Variants in ADAMTS12 observed in about 807,000 individuals in gnomAD.
ADAMTS12 encodes the protein A disintegrin and metalloproteinase with thrombospondin motifs 12.
A neutral mutation model predicts 167.8 loss-of-function variants in ADAMTS12; 118 were observed. The observed-to-expected ratio is 0.70, with a 90% confidence interval of 0.61 to 0.82. ADAMTS12 has a LOEUF of 0.82. ADAMTS12 is among the 40% of genes least tolerant of loss of function. The pLI is 0.00. For synonymous variants in ADAMTS12, 704 were observed against 716.9 expected (o/e 0.98, Z 0.29); for missense variants, 1,916 against 1,998.8 (o/e 0.96, Z 0.79).
rs529659550 is a variant in ADAMTS12, at chr5:33,560,809, T to C, written c.4125+218A>G. Among the ~76,000 whole-genome samples the C allele has an allele frequency of 3.4e-5, 5 of 146,234 alleles. No homozygotes were observed. In the East Asian group the frequency reaches 8.6e-4, roughly 25 times the overall value. ...GGGGGAGGGATAGCATTAGGAGATATACCTAATGTAAATGACGAGTTAATG... is the reference window on the plus strand; with the variant it reads ...GGGGGAGGGATAGCATTAGGAGATACACCTAATGTAAATGACGAGTTAATG... On this transcript the variant is annotated intron_variant, in intron 20 of 23. Coordinates refer to ENST00000504830, the MANE Select transcript of ADAMTS12 (RefSeq NM_030955.4).
At chr5:33,710,519 C>T (rs1743358819) in intron 3 of ADAMTS12, among the ~76,000 whole-genome samples, 1 of 152,172 alleles carries the variant, frequency 6.6e-6, no homozygotes, top group Non-Finnish European at 1.5e-5. Context: ...TATGCATCTG[C>T]TATGACCTAG....
In ADAMTS12 at chr5:33,670,366, G is replaced by T. The variant is rs1741632013; in HGVS notation, c.916-8326C>A. Among the ~76,000 whole-genome samples the T allele has an allele frequency of 3.9e-5, 6 of 152,312 alleles. No homozygotes were observed. In the South Asian group the frequency reaches 1.2e-3, roughly 32 times the overall value. On this transcript the variant is annotated intron_variant, in intron 5 of 23. Coordinates refer to ENST00000504830, the MANE Select transcript of ADAMTS12 (RefSeq NM_030955.4). Reference sequence around the variant, plus strand: ...ACACCCAAATGCTGGTGAGGATGAGGTAAAACTGAATCATTCACTGCTGGT... The same window carrying T: ...ACACCCAAATGCTGGTGAGGATGAGTTAAAACTGAATCATTCACTGCTGGT...
intron 5 of ADAMTS12, among the ~76,000 whole-genome samples, chr5:33,667,186 T>G (rs190957201): frequency 1.3e-3 from 201 of 152,052 alleles, no homozygotes; most frequent in Admixed American, 3.7e-3. Flanking sequence ...GGCGTGGTGG[T>G]GCATACTTGT....
At chr5:33,609,579 G>A (rs1237469360) in intron 16 of ADAMTS12, among the ~76,000 whole-genome samples, 1 of 151,940 alleles carries the variant, frequency 6.6e-6, no homozygotes, top group Non-Finnish European at 1.5e-5. Context: ...TCACCATGTT[G>A]TCCAGGCTGA....
chr5:33,679,503 T>A (rs1191711953), intron 5 of ADAMTS12, among the ~76,000 whole-genome samples: 1 of 152,088 alleles, frequency 6.6e-6, no homozygotes, highest in Non-Finnish European at 1.5e-5. Flanking sequence ...AACCATCAGA[T>A]CTCATGAGAA....
intron 2 of ADAMTS12, among the ~76,000 whole-genome samples, chr5:33,850,160 C>G (rs1749168619): frequency 6.6e-6 from 1 of 152,184 alleles, no homozygotes; most frequent in South Asian, 2.1e-4. Flanking sequence ...AGACTGTGAC[C>G]CACCCTTACC....
At chr5:33,598,555 G>A (rs1193864851) in intron 16 of ADAMTS12, among the ~76,000 whole-genome samples, 1 of 152,134 alleles carries the variant, frequency 6.6e-6, no homozygotes, top group African/African-American at 2.4e-5. Flanking sequence ...TATCCTGGAA[G>A]CATCTCTTAC....
At chr5:33,591,946 C>T (rs1004626185) in intron 17 of ADAMTS12, among the ~76,000 whole-genome samples, 6 of 151,966 alleles carry the variant, frequency 3.9e-5, no homozygotes, top group East Asian at 1.9e-4. Flanking sequence ...GTAAGCCAGG[C>T]GCGGTAGCTC....
intron 3 of ADAMTS12, among the ~76,000 whole-genome samples, chr5:33,718,671 A>C (rs1332917488): frequency 6.6e-6 from 1 of 152,176 alleles, no homozygotes; most frequent in Non-Finnish European, 1.5e-5. Flanking sequence ...TAGAACTAGA[A>C]GAATGCCCAC....
At chr5:33,548,857 G>A (rs1284192876) in intron 21 of ADAMTS12, among the ~76,000 whole-genome samples, 2 of 152,186 alleles carry the variant, frequency 1.3e-5, no homozygotes, top group African/African-American at 4.8e-5. Flanking sequence ...GGCTCTGTCT[G>A]TAAGTGGCTC....
At chr5:33,882,822 C>T (rs899076309) in intron 1 of ADAMTS12, among the ~76,000 whole-genome samples, 18 of 152,108 alleles carry the variant, frequency 1.2e-4, no homozygotes, top group African/African-American at 4.1e-4. Context: ...AACTCCTGAC[C>T]TCAGGTGATC....
intron 2 of ADAMTS12, 69 bp downstream of exon 2, chr5:33,881,050 G>A: frequency 6.4e-7 from 1 of 1,561,432 alleles, no homozygotes. Context: ...GAACCTGTTG[G>A]TAGTAGGTCT....
chr5:33,588,420 T>G (rs575855424), intron 18 of ADAMTS12, among the ~76,000 whole-genome samples, 179 bp downstream of exon 18: 1 of 152,166 alleles, frequency 6.6e-6, no homozygotes, highest in East Asian at 1.9e-4. Context: ...GGGAGCAAGA[T>G]CCCCTATGAA....
At chr5:33,826,584 G>GTATATATA (rs1488842952) in intron 2 of ADAMTS12, among the ~76,000 whole-genome samples, 1 of 71,692 alleles carries the variant, frequency 1.4e-5, no homozygotes, top group African/African-American at 4.9e-5. Context: ...GTGTGTGTGT[G>GTATATATA]TGTATATATA....
At chr5:33,767,406 A>G (rs1745576271) in intron 2 of ADAMTS12, among the ~76,000 whole-genome samples, 1 of 152,124 alleles carries the variant, frequency 6.6e-6, no homozygotes, top group Non-Finnish European at 1.5e-5. Context: ...GTATAATTAG[A>G]TTACAATTAA....
intron 18 of ADAMTS12, among the ~76,000 whole-genome samples, chr5:33,585,225 C>A (rs1176495496): frequency 1.3e-5 from 2 of 152,156 alleles, no homozygotes; most frequent in African/African-American, 4.8e-5. Flanking sequence ...AGAAGAGGTA[C>A]CCTTCCATCT....
chr5:33,576,215 G>A lies in ADAMTS12; in HGVS notation c.3811C>T (p.Leu1271Phe), dbSNP rs373958116. The A allele has an allele frequency of 6.2e-7, 1 of 1,614,118 alleles. No individual in the cohort carries two copies. Among genetic ancestry groups the A allele is most frequent in the African/African-American group, 1.3e-5 (1 of 74,936 alleles). Residue 1271 changes from leucine to phenylalanine, a missense_variant, in exon 19 of 24, where the codon CTT (leucine) becomes TTT (phenylalanine). By Grantham distance (22) the Leu-to-Phe change is conservative (BLOSUM62 0). Transcript: ENST00000504830. ...GKTANRNHLK[L>F]PNNMNQTKSS... is the part of the protein sequence containing the mutation. ...TTTGTTTGGTTCATGTTGTTTGGAAGTTTCAGGTGGTTACGGTTTGCCGTC... is the reference window on the plus strand; with the variant it reads ...TTTGTTTGGTTCATGTTGTTTGGAAATTTCAGGTGGTTACGGTTTGCCGTC...
chr5:33,600,270 G>A (rs181843168), intron 16 of ADAMTS12, among the ~76,000 whole-genome samples: 1 of 141,286 alleles, frequency 7.1e-6, no homozygotes, highest in East Asian at 2.1e-4. Context: ...TTGGATACTA[G>A]CAATGAAAAG....
intron 3 of ADAMTS12, among the ~76,000 whole-genome samples, chr5:33,698,955 G>A (rs1330781515): frequency 3.3e-5 from 5 of 152,134 alleles, no homozygotes; most frequent in East Asian, 1.9e-4. Flanking sequence ...TCAGGAGTTC[G>A]AGACAAGCCT....
Sources: gnomAD v4.1 joint callset for allele counts (sites outside exome capture counted in the v4.1 genomes callset) on GRCh38, gnomAD v4.1.1 for gene constraint, MANE v1.5 for transcripts, NCBI Gene and HGNC (gene_info 2026-07-23, HGNC 2026-07-21) for gene names.